KLF12: variants seen among roughly 807,000 people sequenced by gnomAD.
The protein encoded by KLF12 is KLF transcription factor 12.
In KLF12, 9 loss-of-function variants were observed where a neutral mutation model predicts 37.8. The observed-to-expected ratio is 0.24, with a 90% confidence interval of 0.14 to 0.42. KLF12 has a LOEUF of 0.42. KLF12 is among the 10% of genes least tolerant of loss of function. KLF12 has a pLI of 1.00. For synonymous variants in KLF12, 208 were observed against 202.1 expected, an observed-to-expected ratio of 1.03 and a Z score of -0.25; for missense variants, 411 against 516.0, an observed-to-expected ratio of 0.80 and a Z score of 1.97.
At chr13:74,294,652 C>A in the KLF12 span, among the ~76,000 whole-genome samples, 2 of 152,148 alleles carry the variant, frequency 1.3e-5, no homozygotes, top group African/African-American at 4.8e-5. Flanking sequence ...CAGGCGTGAA[C>A]CACTGTGCCT....
intron 5 of KLF12, chr13:73,812,927 G>T: frequency 2.2e-6 from 1 of 456,994 alleles, no homozygotes; most frequent in Non-Finnish European, 3.9e-6. Flanking sequence ...TAGAAAAGAT[G>T]CACATAGGTC....
At position 73,876,969 on chromosome 13, in the gene KLF12, C is replaced by T. The variant is rs533329724; in HGVS notation, c.124-30596G>A. ...GGCAAACGTTGCAGTGAGCAGAGAC[C>T]GTGCCACTGCACTCTAGCCTGGGTG... On this transcript the variant is annotated intron_variant, in intron 3 of 7. Transcript: ENST00000377669. Among the ~76,000 whole-genome samples, 3 of 150,930 alleles carry T rather than the reference C, an allele frequency of 2.0e-5. No homozygotes were observed. In the South Asian group the frequency reaches 6.3e-4, roughly 32 times the overall value.
the KLF12 span, among the ~76,000 whole-genome samples, chr13:74,163,857 A>G: frequency 1.3e-5 from 2 of 151,456 alleles, no homozygotes; most frequent in Non-Finnish European, 2.9e-5. Context: ...ATATACACCT[A>G]CTATGTACCC....
chr13:74,268,889 T>C, the KLF12 span, among the ~76,000 whole-genome samples: 2 of 152,218 alleles, frequency 1.3e-5, no homozygotes, highest in Admixed American at 1.3e-4. Flanking sequence ...ATGAGTTGAG[T>C]ATACTAAAAA....
intron 6 of KLF12, among the ~76,000 whole-genome samples, chr13:73,735,869 T>TA (rs1877417528): frequency 6.6e-6 from 1 of 151,990 alleles, no homozygotes; most frequent in South Asian, 2.1e-4. Context: ...GAGATAAGGA[T>TA]GCATAGGCCA....
At chr13:74,051,472 G>A (rs1816715658) in intron 1 of KLF12, among the ~76,000 whole-genome samples, 1 of 152,040 alleles carries the variant, frequency 6.6e-6, no homozygotes, top group Admixed American at 6.6e-5. Flanking sequence ...GGTGCGAGGA[G>A]GGGCATGAAA....
At chr13:74,061,990 C>T (rs1456800391) in intron 1 of KLF12, among the ~76,000 whole-genome samples, 2 of 152,090 alleles carry the variant, frequency 1.3e-5, no homozygotes, top group African/African-American at 4.8e-5. Context: ...TTTTTTTGCA[C>T]TAGTGCTTGC....
intron 3 of KLF12, among the ~76,000 whole-genome samples, chr13:73,921,841 A>G (rs1889131097): frequency 6.6e-6 from 1 of 152,158 alleles, no homozygotes; most frequent in Non-Finnish European, 1.5e-5. Context: ...CAGTGCCCTG[A>G]GGATGGAGGA....
Position 73,845,872 on chromosome 13 carries a change from T to C in KLF12, c.625A>G (p.Thr209Ala), listed in dbSNP as rs748487379. 8.7e-6 allele frequency: 14 copies of C among 1,614,196 alleles called. No homozygotes were observed. In the Admixed American group the frequency reaches 2.0e-4, roughly 23 times the overall value. ...TCCTCCAAAAGCGGCACGACAATAGTGTTGTTCACATTTCCAGGTGACCTT... is the reference window on the plus strand; with the variant it reads ...TCCTCCAAAAGCGGCACGACAATAGCGTTGTTCACATTTCCAGGTGACCTT... The change falls in exon 4 of 8, where the codon ACT becomes GCT. Residue 209 changes from threonine (T) to alanine (A), a missense_variant. Transcript: ENST00000377669.
chr13:73,965,445 C>A (rs1891147067), intron 2 of KLF12, among the ~76,000 whole-genome samples: 1 of 152,064 alleles, frequency 6.6e-6, no homozygotes, highest in African/African-American at 2.4e-5. Context: ...AGGATTCCAG[C>A]CTCTAATTAC....
intron 1 of KLF12, among the ~76,000 whole-genome samples, chr13:74,083,510 A>G (rs1419167653): frequency 6.6e-6 from 1 of 150,544 alleles, no homozygotes; most frequent in East Asian, 1.9e-4. Context: ...ACACACACAC[A>G]CACACACACA....
chr13:74,174,640 ATGGTC>A, the KLF12 span, among the ~76,000 whole-genome samples: 1 of 152,056 alleles, frequency 6.6e-6, no homozygotes, highest in South Asian at 2.1e-4. Context: ...CCCTAGGCCC[ATGGTC>A]TGTGTTCAAG....
At chr13:73,756,998 T>A (rs542632280) in intron 6 of KLF12, among the ~76,000 whole-genome samples, 4 of 152,326 alleles carry the variant, frequency 2.6e-5, no homozygotes, top group Admixed American at 1.3e-4. Context: ...GCAGCCATAT[T>A]CAGTTAGTTT....
chr13:74,026,797 T>C (rs1049902694), intron 1 of KLF12, among the ~76,000 whole-genome samples: 3 of 152,182 alleles, frequency 2.0e-5, no homozygotes, highest in Admixed American at 1.3e-4. Context: ...CCACTCTACC[T>C]CAGTCCCACA....
At chr13:73,705,092 T>A (rs896308125) in intron 7 of KLF12, among the ~76,000 whole-genome samples, 1 of 152,224 alleles carries the variant, frequency 6.6e-6, no homozygotes, top group East Asian at 1.9e-4. Flanking sequence ...CACTTACAGT[T>A]CTAGTCTGCA....
intron 6 of KLF12, among the ~76,000 whole-genome samples, chr13:73,753,491 T>C (rs1434794753): frequency 6.6e-6 from 1 of 152,292 alleles, no homozygotes; most frequent in African/African-American, 2.4e-5. Flanking sequence ...TGCTAGCCAG[T>C]TGTCACTCTT....
intron 3 of KLF12, among the ~76,000 whole-genome samples, chr13:73,914,183 C>T (rs981334330): frequency 2.6e-5 from 4 of 152,194 alleles, no homozygotes; most frequent in African/African-American, 9.7e-5. Flanking sequence ...CTGATATCTG[C>T]TCCTGATCCC....
chr13:73,941,651 C>T (rs1890192207), intron 3 of KLF12, among the ~76,000 whole-genome samples: 1 of 152,120 alleles, frequency 6.6e-6, no homozygotes, highest in Admixed American at 6.5e-5. Flanking sequence ...AAATGAAAGT[C>T]ACCAAAATTC....
chr13:74,169,883 A>T, the KLF12 span, among the ~76,000 whole-genome samples: 1 of 152,230 alleles, frequency 6.6e-6, no homozygotes, highest in African/African-American at 2.4e-5. Flanking sequence ...AATTAGTTTT[A>T]CAGAAAAGCA....
Sources: gnomAD v4.1 joint callset for allele counts (sites outside exome capture counted in the v4.1 genomes callset) on GRCh38, gnomAD v4.1.1 for gene constraint, MANE v1.5 for transcripts, NCBI Gene and HGNC (gene_info 2026-07-23, HGNC 2026-07-21) for gene names.